NEXMIF: variants seen among roughly 807,000 people sequenced by gnomAD.
NEXMIF encodes XLMR protein related to neurite extension.
Under a neutral mutation model 62.1 loss-of-function variants are expected in NEXMIF, and 8 were observed. The observed-to-expected ratio is 0.13, with a 90% CI of 0.08 to 0.23. The LOEUF is 0.23. Ranked by LOEUF, NEXMIF falls within the 10% of genes least tolerant of loss-of-function variation. The pLI is 1.00. For synonymous variants in NEXMIF, 404 were observed against 416.6 expected (o/e 0.97, Z 0.37); for missense variants, 976 against 1,113.3 (o/e 0.88, Z 1.75).
chrX:74,823,806 T>C (rs2080405623), intron 1 of NEXMIF, among the ~76,000 whole-genome samples: 1 of 111,132 alleles, frequency 9.0e-6, no homozygotes, highest in South Asian at 3.8e-4. Context: ...ATAAAGTAAA[T>C]GTAAAAAACG....
intron 1 of NEXMIF, among the ~76,000 whole-genome samples, chrX:74,862,588 TA>T (rs1229413592): frequency 9.0e-6 from 1 of 111,241 alleles, no homozygotes; most frequent in African/African-American, 3.3e-5. Flanking sequence ...TAAATGAAAG[TA>T]AAAAATTCCT....
At chrX:74,854,553 C>T (rs1340235457) in intron 1 of NEXMIF, among the ~76,000 whole-genome samples, 1 of 111,720 alleles carries the variant, frequency 9.0e-6, no homozygotes, top group Non-Finnish European at 1.9e-5. Flanking sequence ...CACCACTTGG[C>T]TAGGTCTTTC....
chrX:74,920,283 A>G (rs1352725465), intron 1 of NEXMIF, among the ~76,000 whole-genome samples: 2 of 110,757 alleles, frequency 1.8e-5, no homozygotes, highest in Admixed American at 9.6e-5. Flanking sequence ...CCTCTCCAGC[A>G]CCTGTTGTTT....
intron 1 of NEXMIF, among the ~76,000 whole-genome samples, chrX:74,892,555 C>T (rs569744016): frequency 6.2e-5 from 7 of 112,279 alleles, no homozygotes; most frequent in African/African-American, 2.3e-4. Flanking sequence ...GTTATAGATA[C>T]ATATATACTT....
rs954365820 is a variant in NEXMIF at position 74,739,282 on chromosome X, A to G, written c.*123T>C. On this transcript the variant is annotated 3_prime_UTR_variant, in exon 4 of 4. Coordinates refer to ENST00000055682, the MANE Select transcript of NEXMIF (RefSeq NM_001008537.3). ...GTATGACTTTTTAAGTCTTTTACAT[A>G]GAACATGAGATTAAAGTTTGCTCCA... 2 of 450,251 alleles carry G rather than the reference A, an allele frequency of 4.4e-6. No homozygotes were observed. Among genetic ancestry groups the G allele is most frequent in the African/African-American group, 5.1e-5 (2 of 39,445 alleles). 37.1% of individuals were successfully genotyped at this position (450,251 alleles called of 1,213,427 possible). A position where few individuals can be genotyped will look rare whatever the true frequency, so the allele number is the denominator to read the frequency against.
In NEXMIF at chrX:74,817,919, A is replaced by C. The variant is rs2080381216; in HGVS notation, c.-47-72222T>G. 5.4e-5 allele frequency among the ~76,000 whole-genome samples: 6 copies of C among 111,168 alleles called. No homozygotes were observed. In the South Asian group the frequency reaches 2.2e-3, roughly 42 times the overall value. On this transcript the variant is annotated intron_variant, in intron 1 of 3. Coordinates refer to ENST00000055682, the MANE Select transcript of NEXMIF (RefSeq NM_001008537.3). ...AACCAAAGAGGTTGAAGATCTATAC[A>C]AAAAAATGACAAAATACTGCTGAAA...
chrX:74,843,065 A>G (rs1235639699), intron 1 of NEXMIF, among the ~76,000 whole-genome samples: 1 of 111,782 alleles, frequency 8.9e-6, no homozygotes, highest in Non-Finnish European at 1.9e-5. Flanking sequence ...TAATACTGTC[A>G]GTGGAGTGTT....
At chrX:74,805,429 A>G (rs1266494062) in intron 1 of NEXMIF, among the ~76,000 whole-genome samples, 2 of 112,193 alleles carry the variant, frequency 1.8e-5, no homozygotes, top group African/African-American at 6.5e-5. Context: ...GATGCATAGT[A>G]TGCAAATATT....
intron 1 of NEXMIF, among the ~76,000 whole-genome samples, chrX:74,845,978 C>T (rs890350043): frequency 1.8e-5 from 2 of 111,878 alleles, no homozygotes; most frequent in African/African-American, 6.5e-5. Flanking sequence ...TTTAGTTACC[C>T]ACCTAATGCT....
chrX:74,766,216 G>C (rs2080194493), intron 1 of NEXMIF, among the ~76,000 whole-genome samples: 1 of 110,721 alleles, frequency 9.0e-6, no homozygotes. Flanking sequence ...TGTTTCTTGG[G>C]ATGATCATCT....
At chrX:74,838,622 T>C (rs2080464545) in intron 1 of NEXMIF, among the ~76,000 whole-genome samples, 1 of 112,061 alleles carries the variant, frequency 8.9e-6, no homozygotes, top group Non-Finnish European at 1.9e-5. Flanking sequence ...CTTTTTAAAC[T>C]TCAGGCAGTG....
At chrX:74,828,880 C>T (rs986849196) in intron 1 of NEXMIF, among the ~76,000 whole-genome samples, 1 of 111,783 alleles carries the variant, frequency 8.9e-6, no homozygotes, top group African/African-American at 3.2e-5. Flanking sequence ...GTCAACAAAC[C>T]TTATTAGGGG....
chrX:74,734,233 AAG>A lies in NEXMIF; in HGVS notation c.*5170_*5171del, dbSNP rs1442290074. On this transcript the variant is annotated 3_prime_UTR_variant, in exon 4 of 4. Transcript: ENST00000055682. The stretch of plus-strand genomic sequence containing the variant: ...TCTTAAATGCTTAAGGGGCTTGGGG[AAG>A]AAGAAAAAAATGGGAATAATCATTT... 1 of 111,943 alleles carries A rather than the reference AAG, an allele frequency of 8.9e-6. No individual in the cohort carries two copies. Among genetic ancestry groups the A allele is most frequent in the African/African-American group, 3.3e-5 (1 of 30,747 alleles). The allele number at this position is 111,943 out of a possible 1,213,427, so 9.2% of individuals were successfully genotyped here.
intron 1 of NEXMIF, among the ~76,000 whole-genome samples, chrX:74,746,663 A>C (rs766487082): frequency 8.9e-6 from 1 of 112,700 alleles, no homozygotes; most frequent in South Asian, 3.7e-4. Flanking sequence ...TAGGTTCAGC[A>C]TTGAGAAACA....
intron 1 of NEXMIF, among the ~76,000 whole-genome samples, chrX:74,815,933 C>T (rs2080374803): frequency 9.0e-6 from 1 of 111,372 alleles, no homozygotes; most frequent in Admixed American, 9.6e-5. Flanking sequence ...CGTGCCTGGC[C>T]TACAACTACT....
At chrX:74,796,189 AT>A (rs1178606194) in intron 1 of NEXMIF, among the ~76,000 whole-genome samples, 2 of 66,230 alleles carry the variant, frequency 3.0e-5, no homozygotes, top group Non-Finnish European at 5.5e-5. Context: ...ATACATATAT[AT>A]TATATATATA....
intron 1 of NEXMIF, among the ~76,000 whole-genome samples, chrX:74,833,504 C>G (rs778815961): frequency 1.8e-5 from 2 of 111,604 alleles, no homozygotes; most frequent in African/African-American, 6.5e-5. Context: ...GGCAATGGAT[C>G]ATGGGGTCTT....
At chrX:74,869,073 A>T (rs2080590710) in intron 1 of NEXMIF, among the ~76,000 whole-genome samples, 1 of 111,686 alleles carries the variant, frequency 9.0e-6, no homozygotes, top group African/African-American at 3.3e-5. Flanking sequence ...TTGATGCAAA[A>T]ATCCTCAACA....
intron 1 of NEXMIF, among the ~76,000 whole-genome samples, chrX:74,883,776 A>C (rs759473949): frequency 1.8e-5 from 2 of 111,435 alleles, no homozygotes; most frequent in Admixed American, 9.6e-5. Flanking sequence ...CCAACATTCA[A>C]ATACAGGAAA....
Sources: allele counts gnomAD v4.1 joint callset (sites outside exome capture counted in the v4.1 genomes callset), GRCh38; gene constraint gnomAD v4.1.1; transcripts MANE v1.5; gene names NCBI Gene and HGNC (gene_info 2026-07-23, HGNC 2026-07-21).